TSEN2: variants seen among roughly 807,000 people sequenced by gnomAD.
The protein encoded by TSEN2 is tRNA splicing endonuclease subunit 2, also known as tRNA-splicing endonuclease subunit Sen2.
Under a neutral mutation model 59.2 loss-of-function variants are expected in TSEN2, and 54 were observed. The ratio of observed to expected loss-of-function variants is 0.91; its 90% confidence interval spans 0.73 to 1.14. The LOEUF (loss-of-function observed/expected upper bound fraction) is 1.14. Ranked by LOEUF, TSEN2 falls within the 50% of genes most tolerant of loss-of-function variation. The probability of loss-of-function intolerance (pLI) is 0.00; values close to 1 mark genes in which losing one functional copy is unlikely to be tolerated. For synonymous variants in TSEN2, 195 were observed against 198.2 expected, an observed-to-expected ratio of 0.98 and a Z score of 0.14; for missense variants, 636 against 576.2, an observed-to-expected ratio of 1.10 and a Z score of -1.06.
intron 5 of TSEN2, among the ~76,000 whole-genome samples, 200 bp downstream of exon 5, chr3:12,503,984 T>G (rs955919502): frequency 2.6e-5 from 4 of 152,096 alleles, no homozygotes; most frequent in African/African-American, 9.7e-5. Context: ...AAAAAATTTA[T>G]AAAATTAAGA....
intron 6 of TSEN2, among the ~76,000 whole-genome samples, chr3:12,510,870 A>G (rs2055374754): frequency 1.3e-5 from 2 of 152,216 alleles, no homozygotes; most frequent in Admixed American, 6.5e-5. Flanking sequence ...GGGTCCTTTT[A>G]GCAAGAATAT....
At chr3:12,483,580 T>C (rs1461856561), upstream of TSEN2, among the ~76,000 whole-genome samples, 1 of 152,182 alleles carries the variant, frequency 6.6e-6, no homozygotes, top group African/African-American at 2.4e-5. Context: ...GGCAACAGCA[T>C]GCGTGAAGGA....
chr3:12,519,790 G>A (rs1390012009), intron 8 of TSEN2, among the ~76,000 whole-genome samples: 3 of 151,936 alleles, frequency 2.0e-5, no homozygotes, highest in Admixed American at 6.6e-5. Flanking sequence ...CCACCCCCAC[G>A]TCTCTAGCCA....
At chr3:12,509,892 T>A (rs2055249281) in intron 6 of TSEN2, among the ~76,000 whole-genome samples, 1 of 152,190 alleles carries the variant, frequency 6.6e-6, no homozygotes, top group Admixed American at 6.5e-5. Context: ...TGTAGAAAAT[T>A]CAGATGCCGA....
chr3:12,538,418 T>G (rs2057729405), downstream of TSEN2, among the ~76,000 whole-genome samples: 1 of 152,144 alleles, frequency 6.6e-6, no homozygotes, highest in Admixed American at 6.6e-5. Flanking sequence ...GTTATCCCAG[T>G]GGCAAGTATC....
chr3:12,522,976 C>G (rs971353622), intron 8 of TSEN2, among the ~76,000 whole-genome samples: 2 of 152,150 alleles, frequency 1.3e-5, no homozygotes, highest in Non-Finnish European at 2.9e-5. Context: ...TTCATTTAAT[C>G]TTCACACTCC....
At chr3:12,483,918 AG>A (rs1330910795), upstream of TSEN2, among the ~76,000 whole-genome samples, 1 of 152,104 alleles carries the variant, frequency 6.6e-6, no homozygotes, top group Non-Finnish European at 1.5e-5. Flanking sequence ...GCAGCCAGTG[AG>A]GGGGGAAAAT....
intron 8 of TSEN2, among the ~76,000 whole-genome samples, chr3:12,527,023 C>T (rs2057138280): frequency 1.3e-5 from 2 of 152,212 alleles, no homozygotes; most frequent in Admixed American, 6.5e-5. Context: ...TGCCTAAAGG[C>T]ACACAACTTG....
chr3:12,522,440 G>C (rs2056725780), intron 8 of TSEN2, among the ~76,000 whole-genome samples: 1 of 152,216 alleles, frequency 6.6e-6, no homozygotes, highest in Non-Finnish European at 1.5e-5. Flanking sequence ...GACTGGGCCA[G>C]CATCAGTGTT....
At position 12,503,509 on chromosome 3, in the gene TSEN2, C is replaced by A. The variant is rs763197679; in HGVS notation, c.556C>A (p.Pro186Thr). 9 of 1,614,076 alleles carry A rather than the reference C, an allele frequency of 5.6e-6. No homozygotes were observed. In the South Asian group the frequency reaches 8.8e-5, roughly 16 times the overall value. Residue 186 changes from proline (P) to threonine (T), a missense_variant, in exon 5 of 12, where the codon CCC (proline) becomes ACC (threonine). Coordinates refer to ENST00000284995, the MANE Select transcript of TSEN2 (RefSeq NM_025265.4). Reference sequence around the variant, plus strand: ...TGGAAAGTCAGGTGGTGTGGGTGATCCCCGTGAGCCATTAGGCTGCCTGCA... The same window carrying A: ...TGGAAAGTCAGGTGGTGTGGGTGATACCCGTGAGCCATTAGGCTGCCTGCA... ...DSGKSGGVGD[P>T]REPLGCLQEG...
intron 3 of TSEN2, among the ~76,000 whole-genome samples, chr3:12,492,467 A>G (rs1237628553): frequency 6.6e-6 from 1 of 152,210 alleles, no homozygotes; most frequent in African/African-American, 2.4e-5. Flanking sequence ...TTAGCAGAGT[A>G]CTATGCCTAT....
At position 12,528,883 on chromosome 3, in the gene TSEN2, T is replaced by G. The variant is rs759981027; in HGVS notation, c.1100-5T>G. 1.2e-6 allele frequency: 2 copies of G among 1,614,044 alleles called. No individual in the cohort carries two copies. On this transcript the variant is annotated splice_region_variant and splice_polypyrimidine_tract_variant and intron_variant, in intron 8 of 11. Coordinates refer to ENST00000284995, the MANE Select transcript of TSEN2 (RefSeq NM_025265.4). ...ATACTTCTTTTTTTTCTTTCTTCTT[T>G]GCAGTGCTATATCGGAAAGGCCCTC...
At chr3:12,486,781 G>A (rs1227095865) in intron 1 of TSEN2, among the ~76,000 whole-genome samples, 1 of 151,938 alleles carries the variant, frequency 6.6e-6, no homozygotes, top group Non-Finnish European at 1.5e-5. Flanking sequence ...TGTCTATTCC[G>A]GAAACTTTAT....
At chr3:12,535,842 A>T (rs1269100209), downstream of TSEN2, among the ~76,000 whole-genome samples, 1 of 152,194 alleles carries the variant, frequency 6.6e-6, no homozygotes, top group Non-Finnish European at 1.5e-5. Flanking sequence ...GGTAAAGTAG[A>T]ATCAGAAAAC....
upstream of TSEN2, among the ~76,000 whole-genome samples, chr3:12,481,385 C>T (rs918828490): frequency 6.6e-6 from 1 of 152,198 alleles, no homozygotes; most frequent in Non-Finnish European, 1.5e-5. Flanking sequence ...ATTTGAGTCA[C>T]ACAGTGTGCA....
intron 6 of TSEN2, among the ~76,000 whole-genome samples, chr3:12,515,302 T>G (rs922921069): frequency 6.6e-6 from 1 of 152,202 alleles, no homozygotes; most frequent in Admixed American, 6.5e-5. Context: ...GTGAGCAGTT[T>G]GTCAGTGCGT....
At chr3:12,532,588 T>C in intron 11 of TSEN2, 74 bp from the exon 12 acceptor site, 1 of 1,394,926 alleles carries the variant, frequency 7.2e-7, no homozygotes, top group South Asian at 1.2e-5. Context: ...AATGTAGCTG[T>C]GGTGTCAGCT....
chr3:12,519,965 C>A (rs918919365), intron 8 of TSEN2, among the ~76,000 whole-genome samples: 2 of 152,124 alleles, frequency 1.3e-5, no homozygotes, highest in Non-Finnish European at 2.9e-5. Flanking sequence ...CTTGTTTAAT[C>A]CTTACAGTAG....
intron 6 of TSEN2, chr3:12,506,842 C>T: frequency 1.0e-6 from 1 of 985,304 alleles, no homozygotes; most frequent in Non-Finnish European, 1.2e-6. Context: ...ACAGGTAGGT[C>T]CCAAGAAGTG....
Sources: allele counts gnomAD v4.1 joint callset (sites outside exome capture counted in the v4.1 genomes callset), GRCh38; gene constraint gnomAD v4.1.1; transcripts MANE v1.5; gene names NCBI Gene and HGNC (gene_info 2026-07-23, HGNC 2026-07-21).